Variants in RNF111 observed in about 807,000 individuals in gnomAD.
RNF111 encodes ring finger protein 111, also known as E3 ubiquitin-protein ligase Arkadia.
In RNF111, 17 loss-of-function variants were observed where a neutral mutation model predicts 95.1. That is an observed-to-expected ratio of 0.18 (90% CI 0.12 to 0.27). RNF111 has a LOEUF of 0.27. Ranked by LOEUF, RNF111 falls within the 10% of genes least tolerant of loss-of-function variation. RNF111 has a pLI of 1.00. For synonymous variants in RNF111, 440 were observed against 414.8 expected (o/e 1.06, Z -0.74); for missense variants, 1,189 against 1,210.4 (o/e 0.98, Z 0.26).
chr15:58,997,764 C>T (rs2039142263), intron 1 of RNF111, among the ~76,000 whole-genome samples: 1 of 148,818 alleles, frequency 6.7e-6, no homozygotes, highest in Non-Finnish European at 1.5e-5. Flanking sequence ...TGCAGTGAGC[C>T]AAGATTGCGC....
chr15:58,996,649 CTTTTTTTTTT>C (rs60350601), intron 1 of RNF111, among the ~76,000 whole-genome samples: 30,686 of 101,082 alleles, frequency 0.3, 3,454 homozygotes, highest in East Asian at 0.41. Context: ...TCAGTACTTT[CTTTTTTTTTT>C]TTTTTTTTTT....
chr15:59,094,439 T>C (rs975187001), intron 13 of RNF111, among the ~76,000 whole-genome samples: 25 of 152,194 alleles, frequency 1.6e-4, no homozygotes, highest in African/African-American at 5.8e-4. Flanking sequence ...GATTTGATTT[T>C]TAAAAATATA....
At chr15:59,005,234 C>G (rs2039487571) in intron 1 of RNF111, among the ~76,000 whole-genome samples, 1 of 152,238 alleles carries the variant, frequency 6.6e-6, no homozygotes, top group East Asian at 1.9e-4. Flanking sequence ...CCTATGTTGC[C>G]TAGGCTGATC....
rs112968854 is a variant in RNF111, at chr15:58,987,672, C to G, written c.-416C>G. On this transcript the variant is annotated 5_prime_UTR_variant, in exon 1 of 14. Coordinates refer to ENST00000348370, the MANE Select transcript of RNF111 (RefSeq NM_017610.8). Reference sequence around the variant, plus strand: ...TGTCGTAAAGAGCCCTAGTGTCGTGCTCTCCTCGGTAGGGGAGGAATTGGT... The same window carrying G: ...TGTCGTAAAGAGCCCTAGTGTCGTGGTCTCCTCGGTAGGGGAGGAATTGGT... 0.015 allele frequency: 2,500 copies of G among 164,962 alleles called. 25 individuals are homozygous for G. Among genetic ancestry groups the G allele is most frequent in the Middle Eastern group, 0.023 (8 of 342 alleles). 10.2% of individuals were successfully genotyped at this position (164,962 alleles called of 1,614,324 possible).
chr15:59,032,029 C>G (rs1441062311), intron 2 of RNF111, among the ~76,000 whole-genome samples: 1 of 152,062 alleles, frequency 6.6e-6, no homozygotes, highest in African/African-American at 2.4e-5. Context: ...ACCTCCGCCT[C>G]CTGGGTTCAA....
intron 2 of RNF111, among the ~76,000 whole-genome samples, chr15:59,049,223 T>G (rs1331278883): frequency 1.3e-5 from 2 of 152,262 alleles, no homozygotes; most frequent in Middle Eastern, 3.4e-3. Flanking sequence ...CACTCTTCTT[T>G]CTGTTTCTAC....
At chr15:59,053,203 C>T (rs1433867365) in intron 3 of RNF111, among the ~76,000 whole-genome samples, 1 of 152,130 alleles carries the variant, frequency 6.6e-6, no homozygotes, top group Non-Finnish European at 1.5e-5. Context: ...AATGAAACAT[C>T]CTTATCTGTT....
chr15:59,063,681 G>A (rs1236871921), intron 5 of RNF111, among the ~76,000 whole-genome samples: 1 of 152,202 alleles, frequency 6.6e-6, no homozygotes. Flanking sequence ...GAGAAACAAA[G>A]AGGTTCTGGA....
intron 1 of RNF111, among the ~76,000 whole-genome samples, chr15:59,013,551 T>A (rs1437285293): frequency 6.6e-6 from 1 of 152,190 alleles, no homozygotes; most frequent in African/African-American, 2.4e-5. Flanking sequence ...TCACATTGTA[T>A]CAGGAGTACA....
intron 1 of RNF111, among the ~76,000 whole-genome samples, chr15:59,020,020 G>C (rs915803581): frequency 6.6e-6 from 1 of 151,180 alleles, no homozygotes; most frequent in Non-Finnish European, 1.5e-5. Context: ...CACCGAAATG[G>C]GGTTAATGGA....
At chr15:59,056,583 G>A (rs1720018532) in intron 4 of RNF111, among the ~76,000 whole-genome samples, 1 of 152,156 alleles carries the variant, frequency 6.6e-6, no homozygotes, top group South Asian at 2.1e-4. Context: ...TCAGGTAGAT[G>A]GAAAGAGTTG....
chr15:59,026,294 A>ATT (rs201570889), intron 1 of RNF111, among the ~76,000 whole-genome samples: 1 of 150,644 alleles, frequency 6.6e-6, no homozygotes, highest in South Asian at 2.1e-4. Flanking sequence ...GAAAGTTAGT[A>ATT]TTTTTTTTTA....
chr15:59,025,825 G>A (rs1323951205), intron 1 of RNF111, among the ~76,000 whole-genome samples: 2 of 152,066 alleles, frequency 1.3e-5, no homozygotes, highest in Non-Finnish European at 2.9e-5. Context: ...CTGCCTTGCG[G>A]ATTCAAGCGA....
At chr15:59,044,037 T>C (rs1365110144) in intron 2 of RNF111, among the ~76,000 whole-genome samples, 1 of 152,194 alleles carries the variant, frequency 6.6e-6, no homozygotes, top group Non-Finnish European at 1.5e-5. Context: ...TCTTTTTTTT[T>C]CTGGTGGGGG....
At chr15:59,060,080 C>T (rs1269378978) in intron 5 of RNF111, among the ~76,000 whole-genome samples, 2 of 151,974 alleles carry the variant, frequency 1.3e-5, no homozygotes. Flanking sequence ...TTTTTTTGGC[C>T]CAGGCCAGTC....
chr15:58,999,635 C>G (rs191393934), intron 1 of RNF111, among the ~76,000 whole-genome samples: 1 of 152,140 alleles, frequency 6.6e-6, no homozygotes, highest in Non-Finnish European at 1.5e-5. Flanking sequence ...TGTGCCCGGC[C>G]TATTACTGCA....
chr15:59,084,608 T>A (rs1289430041), intron 9 of RNF111, among the ~76,000 whole-genome samples: 1 of 152,222 alleles, frequency 6.6e-6, no homozygotes, highest in African/African-American at 2.4e-5. Flanking sequence ...TATTGATCAT[T>A]TCTTTGTGGT....
At chr15:59,010,078 C>G (rs867244309) in intron 1 of RNF111, among the ~76,000 whole-genome samples, 1 of 152,142 alleles carries the variant, frequency 6.6e-6, no homozygotes, top group Non-Finnish European at 1.5e-5. Flanking sequence ...GAGAATGTGA[C>G]ATTTTGTTTA....
intron 1 of RNF111, among the ~76,000 whole-genome samples, chr15:58,994,160 C>T (rs1315322151): frequency 6.6e-6 from 1 of 151,154 alleles, no homozygotes; most frequent in Non-Finnish European, 1.5e-5. Flanking sequence ...GACTCACCCT[C>T]CCAGGTAGCT....
Sources: gnomAD v4.1 joint callset for allele counts (sites outside exome capture counted in the v4.1 genomes callset) on GRCh38, gnomAD v4.1.1 for gene constraint, MANE v1.5 for transcripts, NCBI Gene and HGNC (gene_info 2026-07-23, HGNC 2026-07-21) for gene names.